The following ADGB variants were observed in gnomAD, a reference collection of about 807,000 sequenced individuals.
The protein encoded by ADGB is calpain-7-like protein.
ADGB carries 172 observed loss-of-function variants against 210.5 expected under a neutral mutation model. The ratio of observed to expected loss-of-function variants is 0.82; its 90% CI spans 0.72 to 0.93. The LOEUF (loss-of-function observed/expected upper bound fraction) is 0.93, where lower values mean the gene tolerates loss of function less well. Ranked by LOEUF, ADGB falls within the 40% of genes least tolerant of loss-of-function variation. The pLI, the probability that ADGB is intolerant of heterozygous loss-of-function variation, is 0.00. For missense variants in ADGB, 2,025 were observed against 1,964.8 expected (o/e 1.03, Z -0.58); for synonymous variants, 658 against 662.7 (o/e 0.99, Z 0.11).
chr6:146,667,370 G>A (rs1775950337), intron 7 of ADGB, among the ~76,000 whole-genome samples: 1 of 152,020 alleles, frequency 6.6e-6, no homozygotes, highest in Non-Finnish European at 1.5e-5. Context: ...AGGCCAGTAA[G>A]GGTCCAAAGC....
In ADGB at chr6:146,676,413, G is replaced by A. The variant is rs1776085469; in HGVS notation, c.1188G>A (p.Val396=). ...SLHGSRPSSE[V]QYSVQSLSDC... is the part of the protein sequence containing the mutation. ...ATGGTTCAAGACCCTCATCAGAAGT[G>A]CAGTACTCTGTGCAGTCCCTATCAG... is the stretch of plus-strand genomic sequence containing the variant. Residue 396 remains valine (V), a synonymous_variant, in exon 9 of 36, where the codon GTG becomes GTA. Transcript: ENST00000397944. 1.9e-6 allele frequency: 3 copies of A among 1,543,208 alleles called. No homozygotes were observed. Among genetic ancestry groups the A allele is most frequent in the African/African-American group, 1.4e-5 (1 of 72,836 alleles).
chr6:146,762,661 C>T (rs192119550), intron 27 of ADGB, among the ~76,000 whole-genome samples: 40 of 152,076 alleles, frequency 2.6e-4, no homozygotes, highest in African/African-American at 4.1e-4. Context: ...CTTGTTCTGG[C>T]GGGCAGTTAA....
At chr6:146,682,483 A>G (rs1156916496) in intron 9 of ADGB, among the ~76,000 whole-genome samples, 5 of 152,164 alleles carry the variant, frequency 3.3e-5, no homozygotes, top group Admixed American at 6.6e-5. Flanking sequence ...TCATTTCATC[A>G]TTCAAGAGTA....
intron 8 of ADGB, among the ~76,000 whole-genome samples, chr6:146,673,362 T>G (rs1215458463): frequency 6.6e-6 from 1 of 152,176 alleles, no homozygotes; most frequent in African/African-American, 2.4e-5. Flanking sequence ...TGCCTTGTTA[T>G]TCTTAAGATG....
At chr6:146,809,452 C>T (rs1778268219) in intron 35 of ADGB, among the ~76,000 whole-genome samples, 1 of 152,060 alleles carries the variant, frequency 6.6e-6, no homozygotes, top group Non-Finnish European at 1.5e-5. Context: ...GTGATCCACC[C>T]CCCTCGGCCT....
chr6:146,613,660 G>A (rs1056641637), intron 1 of ADGB, among the ~76,000 whole-genome samples: 21 of 152,048 alleles, frequency 1.4e-4, no homozygotes, highest in African/African-American at 4.3e-4. Flanking sequence ...AAGATTCAGC[G>A]GTGTTTCTAT....
At chr6:146,637,795 A>G (rs1259868773) in intron 2 of ADGB, among the ~76,000 whole-genome samples, 2 of 152,040 alleles carry the variant, frequency 1.3e-5, no homozygotes, top group Admixed American at 1.3e-4. Context: ...AAGCATGTGA[A>G]TCCTACCAGA....
intron 3 of ADGB, among the ~76,000 whole-genome samples, chr6:146,647,983 G>A (rs555265714): frequency 3.3e-5 from 5 of 151,782 alleles, no homozygotes; most frequent in Admixed American, 2.6e-4. Context: ...ACATACAAAG[G>A]TTTTAAAAAT....
At chr6:146,791,247 C>G (rs1777950349) in intron 33 of ADGB, among the ~76,000 whole-genome samples, 1 of 152,170 alleles carries the variant, frequency 6.6e-6, no homozygotes, top group South Asian at 2.1e-4. Context: ...GGATCATATT[C>G]AAAGAAAATA....
chr6:146,691,458 A>ATATATAT (rs1491537728), intron 11 of ADGB, among the ~76,000 whole-genome samples, 168 bp downstream of exon 11: 3 of 45,700 alleles, frequency 6.6e-5, no homozygotes, highest in African/African-American at 2.7e-4. Flanking sequence ...ATATATATAT[A>ATATATAT]AAAATATATA....
At chr6:146,776,232 A>C (rs182038695) in intron 29 of ADGB, among the ~76,000 whole-genome samples, 50 of 152,212 alleles carry the variant, frequency 3.3e-4, no homozygotes, top group African/African-American at 1.2e-3. Flanking sequence ...TAAATATGCA[A>C]TGTGAAGTAA....
At position 146,643,278 on chromosome 6, in the gene ADGB, A is replaced by G. The variant is rs79433900; in HGVS notation, c.238-1495A>G. On this transcript the variant is annotated intron_variant, in intron 2 of 35. Transcript: ENST00000397944. ...TATATACTTATAATGTTCAAACTGT[A>G]CACAATGCCCTCAAATATAACCTGT... is the stretch of plus-strand genomic sequence containing the variant. Among the ~76,000 whole-genome samples, 738 of 151,742 alleles carry G rather than the reference A, an allele frequency of 4.9e-3. 13 individuals carry two copies. The East Asian group carries it at 0.062, about 13-fold the overall frequency.
intron 26 of ADGB, among the ~76,000 whole-genome samples, chr6:146,749,066 C>T (rs1245504763): frequency 1.3e-5 from 2 of 152,106 alleles, no homozygotes; most frequent in Non-Finnish European, 2.9e-5. Context: ...CCACAACAGG[C>T]AGTGACAGTG....
chr6:146,718,912 A>G (rs1465363130), intron 16 of ADGB, among the ~76,000 whole-genome samples: 1 of 150,058 alleles, frequency 6.7e-6, no homozygotes, highest in African/African-American at 2.4e-5. Context: ...GAAAACACCT[A>G]GAGGAATACT....
At chr6:146,670,706 G>A (rs1178173570) in intron 7 of ADGB, among the ~76,000 whole-genome samples, 2 of 152,122 alleles carry the variant, frequency 1.3e-5, no homozygotes, top group African/African-American at 2.4e-5. Flanking sequence ...TTGTCCACAA[G>A]AACAGGGACC....
In ADGB at chr6:146,733,108, T is replaced by TGTACTTC; in HGVS notation, c.2521-12_2521-11insGTACTTC. 1.0e-6 allele frequency: 1 copy of TGTACTTC among 978,358 alleles called. No homozygotes were observed. Among genetic ancestry groups the TGTACTTC allele is most frequent in the African/African-American group, 2.9e-5 (1 of 34,626 alleles). 60.6% of individuals were successfully genotyped at this position (978,358 alleles called of 1,614,324 possible). On this transcript the variant is annotated splice_polypyrimidine_tract_variant and intron_variant, in intron 20 of 35. Coordinates refer to ENST00000397944, the MANE Select transcript of ADGB (RefSeq NM_024694.4). ...GTATTTTCTTGCTATAAAAAAAATT[T>TGTACTTC]ATGTGTTTCAGGTTTTTCATCTTTC...
At position 146,614,219 on chromosome 6, in the gene ADGB, CCCTTCCTT is replaced by C. The variant is rs57639198; in HGVS notation, c.74+15127_74+15134del. 1.1e-3 allele frequency among the ~76,000 whole-genome samples: 52 copies of C among 48,546 alleles called. No homozygotes were observed. The South Asian group carries it at 0.014, about 13-fold the overall frequency. 31.8% of individuals were successfully genotyped at this position (48,546 alleles called of 152,430 possible). On this transcript the variant is annotated intron_variant, in intron 1 of 35. Transcript: ENST00000397944. ...TCCCTCCCTTCCTCCCTTCCTTCCT[CCCTTCCTT>C]CCTTCCTTCCTTCCTTCCTTCAACA...
At chr6:146,673,218 A>G (rs1322822562) in intron 8 of ADGB, among the ~76,000 whole-genome samples, 2 of 152,234 alleles carry the variant, frequency 1.3e-5, no homozygotes, top group African/African-American at 2.4e-5. Context: ...ATTGGGACAT[A>G]TGGACATATT....
Position 146,730,825 on chromosome 6 carries a change from G to C in ADGB, c.2520+2084G>C, listed in dbSNP as rs186448898. ...GTGGTGGTGGGCACCTGTAATCCCA[G>C]CTACTTGGGAGGCTGAGGCAGGAGA... On this transcript the variant is annotated intron_variant, in intron 20 of 35. Transcript: ENST00000397944. 1.7e-3 allele frequency among the ~76,000 whole-genome samples: 263 copies of C among 152,266 alleles called. 2 individuals are homozygous for C. The highest frequency in any genetic ancestry group is 0.016 in the Admixed American group (237 of 15,288).
Sources: gnomAD v4.1 joint callset for allele counts (sites outside exome capture counted in the v4.1 genomes callset) on GRCh38, gnomAD v4.1.1 for gene constraint, MANE v1.5 for transcripts, NCBI Gene and HGNC (gene_info 2026-07-23, HGNC 2026-07-21) for gene names.